ADAMTSL1: variants seen among roughly 807,000 people sequenced by gnomAD.
The protein encoded by ADAMTSL1 is ADAMTS like 1, also known as ADAMTS-like protein 1.
Under a neutral mutation model 201.8 loss-of-function variants are expected in ADAMTSL1, and 126 were observed. The ratio of observed to expected loss-of-function variants is 0.62; its 90% CI spans 0.54 to 0.72. ADAMTSL1 has a LOEUF of 0.72. Ranked by LOEUF, ADAMTSL1 falls within the 30% of genes least tolerant of loss-of-function variation. The probability of loss-of-function intolerance (pLI) is 0.00; values close to 1 mark genes in which losing one functional copy is unlikely to be tolerated. For synonymous variants in ADAMTSL1, 1,121 were observed against 903.4 expected, an observed-to-expected ratio of 1.24 and a Z score of -4.32; for missense variants, 2,679 against 2,277.8, an observed-to-expected ratio of 1.18 and a Z score of -3.59.
intron 4 of ADAMTSL1, among the ~76,000 whole-genome samples, chr9:18,578,533 C>A (rs554910576): frequency 2.6e-5 from 4 of 152,316 alleles, no homozygotes; most frequent in African/African-American, 9.6e-5. Context: ...AGGTTGGAAT[C>A]TAAGCTCCAC....
intron 20 of ADAMTSL1, among the ~76,000 whole-genome samples, chr9:18,810,517 T>C (rs1823434289): frequency 6.6e-6 from 1 of 152,208 alleles, no homozygotes; most frequent in Non-Finnish European, 1.5e-5. Flanking sequence ...AAGGTTTTCT[T>C]CACATTTAAT....
intron 1 of ADAMTSL1, among the ~76,000 whole-genome samples, chr9:17,941,381 C>A (rs1288400661): frequency 1.3e-5 from 2 of 152,080 alleles, no homozygotes; most frequent in East Asian, 1.9e-4. Context: ...GCCAGTGTTA[C>A]CTAAAAAGGC....
chr9:18,706,707 G>T (rs1270967030), intron 13 of ADAMTSL1, 40 bp from the exon 14 acceptor site: 40 of 1,532,908 alleles, frequency 2.6e-5, no homozygotes, highest in Non-Finnish European at 3.5e-5. Flanking sequence ...TCCTGCCTGG[G>T]GCTTCTCATC....
chr9:18,433,748 A>C (rs1238265962), intron 2 of ADAMTSL1, among the ~76,000 whole-genome samples: 1 of 152,202 alleles, frequency 6.6e-6, no homozygotes, highest in Non-Finnish European at 1.5e-5. Flanking sequence ...TAAACTACAC[A>C]CTTAAGAGTA....
At chr9:18,394,445 C>T (rs913845185) in intron 2 of ADAMTSL1, among the ~76,000 whole-genome samples, 2 of 151,742 alleles carry the variant, frequency 1.3e-5, no homozygotes, top group African/African-American at 4.8e-5. Context: ...AAATGTAAGA[C>T]CAAATCAAAA....
At chr9:18,206,875 T>C (rs1233313674) in intron 2 of ADAMTSL1, among the ~76,000 whole-genome samples, 1 of 151,948 alleles carries the variant, frequency 6.6e-6, no homozygotes, top group Non-Finnish European at 1.5e-5. Context: ...GGAAAGAAAG[T>C]GGAGTGGGCT....
intron 1 of ADAMTSL1, among the ~76,000 whole-genome samples, chr9:18,125,677 A>G (rs1169828283): frequency 6.6e-6 from 1 of 152,174 alleles, no homozygotes; most frequent in African/African-American, 2.4e-5. Context: ...TGTTGAAGAA[A>G]CTATTCTTTC....
intron 2 of ADAMTSL1, among the ~76,000 whole-genome samples, chr9:18,421,089 A>G (rs574943251): frequency 1.2e-3 from 188 of 152,322 alleles, no homozygotes; most frequent in African/African-American, 4.4e-3. Flanking sequence ...AGCACCTGAA[A>G]GAGGAAATGC....
At chr9:18,495,478 C>T (rs1399846443) in intron 1 of ADAMTSL1, among the ~76,000 whole-genome samples, 1 of 152,078 alleles carries the variant, frequency 6.6e-6, no homozygotes, top group Non-Finnish European at 1.5e-5. Context: ...AGAGCACCTC[C>T]TAGATAGCTA....
intron 2 of ADAMTSL1, among the ~76,000 whole-genome samples, chr9:18,183,951 T>C (rs1828615973): frequency 6.6e-6 from 1 of 152,290 alleles, no homozygotes; most frequent in South Asian, 2.1e-4. Flanking sequence ...GTTTCAACGG[T>C]AATTTAAATC....
intron 2 of ADAMTSL1, among the ~76,000 whole-genome samples, chr9:18,220,111 G>A (rs1830200851): frequency 6.6e-6 from 1 of 152,054 alleles, no homozygotes; most frequent in South Asian, 2.1e-4. Flanking sequence ...CATTTGTCAG[G>A]TTAAAATGTT....
intron 1 of ADAMTSL1, among the ~76,000 whole-genome samples, chr9:17,968,732 T>C (rs540545402): frequency 6.6e-6 from 1 of 152,264 alleles, no homozygotes; most frequent in East Asian, 1.9e-4. Context: ...CCCATGCCAT[T>C]TTAAAACCAG....
At chr9:18,722,982 C>T in intron 15 of ADAMTSL1, 1 of 773,762 alleles carries the variant, frequency 1.3e-6, no homozygotes, top group Admixed American at 1.7e-5. Flanking sequence ...AGGGCACCAA[C>T]TTTTCTATTT....
chr9:18,660,824 C>G lies in ADAMTSL1; in HGVS notation c.947-1111C>G, dbSNP rs1057131623. Reference sequence around the variant, plus strand: ...TTTTAAAAGGCCTTTTTTTTAGGGTCTTTAATGAACAATTAATTTCTGTGG... The same window carrying G: ...TTTTAAAAGGCCTTTTTTTTAGGGTGTTTAATGAACAATTAATTTCTGTGG... On this transcript the variant is annotated intron_variant, in intron 8 of 28. Transcript: ENST00000380548. 2.0e-5 allele frequency among the ~76,000 whole-genome samples: 3 copies of G among 151,750 alleles called. No homozygotes were observed. The East Asian group carries it at 5.8e-4, about 29-fold the overall frequency.
intron 2 of ADAMTSL1, among the ~76,000 whole-genome samples, chr9:18,193,908 A>T (rs1829071674): frequency 6.6e-6 from 1 of 152,140 alleles, no homozygotes; most frequent in South Asian, 2.1e-4. Context: ...TCTTGTAAGG[A>T]TGGGCAAAAT....
chr9:18,020,102 T>C (rs1820419984), intron 1 of ADAMTSL1, among the ~76,000 whole-genome samples: 2 of 152,070 alleles, frequency 1.3e-5, no homozygotes, highest in Non-Finnish European at 2.9e-5. Flanking sequence ...CAGTCTGTTA[T>C]ATTCCAGGAG....
chr9:17,929,320 C>T (rs1233698470), intron 1 of ADAMTSL1, among the ~76,000 whole-genome samples: 1 of 151,990 alleles, frequency 6.6e-6, no homozygotes, highest in East Asian at 1.9e-4. Flanking sequence ...CTAATCCACT[C>T]CCCCACCCCC....
intron 3 of ADAMTSL1, among the ~76,000 whole-genome samples, chr9:18,542,456 G>C (rs1377525171): frequency 1.3e-5 from 2 of 152,090 alleles, no homozygotes; most frequent in Non-Finnish European, 2.9e-5. Flanking sequence ...AACTATATTT[G>C]GAGTTGTGGT....
At chr9:17,999,652 G>T (rs984616745) in intron 1 of ADAMTSL1, among the ~76,000 whole-genome samples, 2 of 148,856 alleles carry the variant, frequency 1.3e-5, no homozygotes, top group African/African-American at 2.5e-5. Context: ...TGTGCCCATT[G>T]TGCAGGTTAG....
Sources: gnomAD v4.1 joint callset for allele counts (sites outside exome capture counted in the v4.1 genomes callset) on GRCh38, gnomAD v4.1.1 for gene constraint, MANE v1.5 for transcripts, NCBI Gene and HGNC (gene_info 2026-07-23, HGNC 2026-07-21) for gene names.